Variants in KCNC2 observed in about 807,000 individuals in gnomAD.
KCNC2 encodes the protein potassium voltage-gated channel subfamily C member 2.
In KCNC2, 21 loss-of-function variants were observed where a neutral mutation model predicts 44.5. That is an observed-to-expected ratio of 0.47 (90% CI 0.33 to 0.68). The LOEUF (loss-of-function observed/expected upper bound fraction) is 0.68. Among genes scored for constraint, KCNC2 ranks in the 30% least tolerant of loss-of-function variants. KCNC2 has a pLI of 0.01. For synonymous variants in KCNC2, 391 were observed against 339.1 expected (o/e 1.15, Z -1.68); for missense variants, 589 against 826.2 (o/e 0.71, Z 3.52).
chr12:75,061,015 C>T (rs1882264896), intron 2 of KCNC2, among the ~76,000 whole-genome samples: 1 of 152,080 alleles, frequency 6.6e-6, no homozygotes, highest in Non-Finnish European at 1.5e-5. Context: ...TCAAAATTAA[C>T]CACTTCCTTT....
At chr12:75,191,746 TC>T (rs1029815027) in intron 2 of KCNC2, among the ~76,000 whole-genome samples, 6 of 151,388 alleles carry the variant, frequency 4.0e-5, no homozygotes, top group African/African-American at 1.2e-4. Flanking sequence ...GAGACGGGTT[TC>T]ACCTTGTTAG....
In KCNC2 at chr12:75,117,062, G is replaced by A. The variant is rs189547356; in HGVS notation, c.688-65745C>T. Among the ~76,000 whole-genome samples the A allele has an allele frequency of 1.3e-4, 20 of 150,854 alleles. No individual in the cohort carries two copies. In the East Asian group the frequency reaches 3.7e-3, roughly 28 times the overall value. On this transcript the variant is annotated intron_variant, in intron 2 of 4. Coordinates refer to ENST00000549446, the MANE Select transcript of KCNC2 (RefSeq NM_139137.4). ...TACTCCCTGACTCTCATTATCACCA[G>A]TAATTGGGCTTTCTTGCATTGTGGT...
chr12:75,114,956 C>CG (rs1335202353), intron 2 of KCNC2, among the ~76,000 whole-genome samples: 1 of 147,432 alleles, frequency 6.8e-6, no homozygotes, highest in Non-Finnish European at 1.5e-5. Context: ...CTCCGCCCCC[C>CG]GGGGTTCACG....
At chr12:75,052,086 A>C (rs1205507667) in intron 2 of KCNC2, among the ~76,000 whole-genome samples, 1 of 152,110 alleles carries the variant, frequency 6.6e-6, no homozygotes, top group Non-Finnish European at 1.5e-5. Context: ...ATGACTACAC[A>C]CACACACCTA....
At chr12:75,061,402 A>T (rs1882308558) in intron 2 of KCNC2, among the ~76,000 whole-genome samples, 1 of 152,092 alleles carries the variant, frequency 6.6e-6, no homozygotes, top group Non-Finnish European at 1.5e-5. Flanking sequence ...TGGAGAGATT[A>T]GCAGTCAATT....
chr12:75,193,868 GAGATTCAAT>G (rs2030526051), intron 2 of KCNC2, among the ~76,000 whole-genome samples: 1 of 152,058 alleles, frequency 6.6e-6, no homozygotes. Context: ...GATATCTGAA[GAGATTCAAT>G]AGTATAAAAT....
chr12:75,106,545 A>T (rs1170930465), intron 2 of KCNC2, among the ~76,000 whole-genome samples: 1 of 152,198 alleles, frequency 6.6e-6, no homozygotes, highest in East Asian at 1.9e-4. Flanking sequence ...GGGAGAGGAA[A>T]AGTTCATTCA....
chr12:75,205,828 G>T (rs1388530404), intron 2 of KCNC2, among the ~76,000 whole-genome samples: 1 of 140,190 alleles, frequency 7.1e-6, no homozygotes. Context: ...GGTTTTGTTT[G>T]GTTGGTTTGG....
intron 2 of KCNC2, among the ~76,000 whole-genome samples, chr12:75,089,515 T>C (rs1219812517): frequency 6.6e-6 from 1 of 151,888 alleles, no homozygotes; most frequent in Non-Finnish European, 1.5e-5. Context: ...TAACATATGA[T>C]TTATAAATTT....
At chr12:75,086,439 A>G (rs915791339) in intron 2 of KCNC2, among the ~76,000 whole-genome samples, 5 of 151,992 alleles carry the variant, frequency 3.3e-5, no homozygotes, top group Admixed American at 2.0e-4. Flanking sequence ...GCAGTTTTGT[A>G]TGTTAATTTG....
At chr12:75,191,727 T>C (rs2030293473) in intron 2 of KCNC2, among the ~76,000 whole-genome samples, 1 of 150,740 alleles carries the variant, frequency 6.6e-6, no homozygotes, top group South Asian at 2.1e-4. Context: ...ATTTTTTGTA[T>C]TTTTAGTAGA....
intron 2 of KCNC2, among the ~76,000 whole-genome samples, chr12:75,101,833 G>A (rs958067975): frequency 2.0e-5 from 3 of 152,042 alleles, no homozygotes; most frequent in African/African-American, 4.8e-5. Context: ...GCTAAATTTA[G>A]CAAGCCTTGA....
At chr12:75,059,213 AATAAAATGAACT>A (rs1294523455) in intron 2 of KCNC2, among the ~76,000 whole-genome samples, 5 of 152,166 alleles carry the variant, frequency 3.3e-5, no homozygotes, top group African/African-American at 1.2e-4. Flanking sequence ...TTGGAAGTAC[AATAAAATGAACT>A]TTAGTGTTGC....
intron 2 of KCNC2, among the ~76,000 whole-genome samples, chr12:75,174,138 T>TA (rs1170646232): frequency 6.6e-6 from 1 of 151,728 alleles, no homozygotes; most frequent in Non-Finnish European, 1.5e-5. Context: ...GTTCTAACTT[T>TA]TTTTTTTCAA....
chr12:75,043,945 C>G (rs1247692122), intron 4 of KCNC2: 18 of 520,008 alleles, frequency 3.5e-5, no homozygotes, highest in Admixed American at 6.9e-5. Flanking sequence ...CCTTCCCACC[C>G]AGGAATTGAG....
At chr12:75,148,028 T>G (rs1890142896) in intron 2 of KCNC2, among the ~76,000 whole-genome samples, 1 of 152,118 alleles carries the variant, frequency 6.6e-6, no homozygotes, top group Admixed American at 6.6e-5. Context: ...GTAAAGAACA[T>G]GGGCTATTGA....
At chr12:75,174,021 A>G (rs1041320646) in intron 2 of KCNC2, among the ~76,000 whole-genome samples, 41 of 151,682 alleles carry the variant, frequency 2.7e-4, no homozygotes, top group Admixed American at 4.6e-4. Flanking sequence ...GATTTTTTTC[A>G]TATTTAGTAT....
At position 75,041,956 on chromosome 12, in the gene KCNC2, C is replaced by T. The variant is rs1258044047; in HGVS notation, c.*1149G>A. 15 of 1,011,088 alleles carry T rather than the reference C, an allele frequency of 1.5e-5. No homozygotes were observed. The highest frequency in any genetic ancestry group is 1.7e-5 in the African/African-American group (1 of 58,104). The allele number at this position is 1,011,088 out of a possible 1,614,324, so 62.6% of individuals were successfully genotyped here. A position where few individuals can be genotyped will look rare whatever the true frequency, so the allele number is the denominator to read the frequency against. Reference sequence around the variant, plus strand: ...AGACAGATGGCATATACAGGAAAGACAGGGAGCTAAGACAGACAAGAACAA... The same window carrying T: ...AGACAGATGGCATATACAGGAAAGATAGGGAGCTAAGACAGACAAGAACAA... On this transcript the variant is annotated 3_prime_UTR_variant, in exon 5 of 5. Transcript: ENST00000549446.
chr12:75,049,105 T>G (rs1880883371), intron 3 of KCNC2, among the ~76,000 whole-genome samples: 1 of 152,194 alleles, frequency 6.6e-6, no homozygotes, highest in Admixed American at 6.6e-5. Context: ...AAATACATTC[T>G]TAACAGTTGT....
Sources: allele counts gnomAD v4.1 joint callset (sites outside exome capture counted in the v4.1 genomes callset), GRCh38; gene constraint gnomAD v4.1.1; transcripts MANE v1.5; gene names NCBI Gene and HGNC (gene_info 2026-07-23, HGNC 2026-07-21).